The following MEGF11 variants were observed in gnomAD, a reference collection of about 807,000 sequenced individuals.
The protein encoded by MEGF11 is multiple EGF like domains 11.
In MEGF11, 126 loss-of-function variants were observed where a neutral mutation model predicts 146.6. That is an observed-to-expected ratio of 0.86 (90% CI 0.74 to 1.00). MEGF11 has a LOEUF of 1.00. Among genes scored for constraint, MEGF11 ranks in the 50% least tolerant of loss-of-function variants. The probability of loss-of-function intolerance (pLI) is 0.00; values close to 1 mark genes in which losing one functional copy is unlikely to be tolerated. For missense variants in MEGF11, 1,509 were observed against 1,521.2 expected, an observed-to-expected ratio of 0.99 and a Z score of 0.13; for synonymous variants, 532 against 583.4, an observed-to-expected ratio of 0.91 and a Z score of 1.27.
At chr15:66,057,861 A>C (rs2084743746) in intron 5 of MEGF11, among the ~76,000 whole-genome samples, 1 of 152,222 alleles carries the variant, frequency 6.6e-6, no homozygotes, top group African/African-American at 2.4e-5. Context: ...ACCCCCTTTC[A>C]GCAGGGTCTT....
chr15:66,060,789 G>A (rs969879172), intron 5 of MEGF11, among the ~76,000 whole-genome samples: 9 of 152,256 alleles, frequency 5.9e-5, no homozygotes, highest in African/African-American at 2.2e-4. Flanking sequence ...GATCTGTGCA[G>A]TTGAACTGAT....
At chr15:65,968,395 A>G (rs180909335) in intron 8 of MEGF11, among the ~76,000 whole-genome samples, 1 of 152,304 alleles carries the variant, frequency 6.6e-6, no homozygotes, top group African/African-American at 2.4e-5. Flanking sequence ...TTCCTTTTCA[A>G]ACATTCCTGC....
intron 1 of MEGF11, among the ~76,000 whole-genome samples, chr15:66,232,824 C>T (rs1407576106): frequency 6.6e-6 from 1 of 152,186 alleles, no homozygotes; most frequent in East Asian, 1.9e-4. Flanking sequence ...ATTTACTTAA[C>T]TCACCCAACA....
intron 10 of MEGF11, among the ~76,000 whole-genome samples, chr15:65,947,143 T>G (rs1377818785): frequency 6.6e-6 from 1 of 152,192 alleles, no homozygotes; most frequent in Non-Finnish European, 1.5e-5. Flanking sequence ...TTTTGCAATA[T>G]CCTTCATTTT....
Position 65,909,062 on chromosome 15 carries a change from G to A in MEGF11, c.2970C>T (p.Leu990=). The A allele has an allele frequency of 6.5e-7, 1 of 1,535,874 alleles. No individual in the cohort carries two copies. Among genetic ancestry groups the A allele is most frequent in the Non-Finnish European group, 8.7e-7 (1 of 1,146,728 alleles). Residue 990 remains leucine (L), a synonymous_variant, in exon 23 of 26, where the codon CTC becomes CTT. Coordinates refer to ENST00000395614, the MANE Select transcript of MEGF11 (RefSeq NM_001385028.1). ...GTGAGTGTGGCTCAGCGGGGCGGCT[G>A]AGGTGTCTAAGTTCAATGTAGAAGT... is the stretch of plus-strand genomic sequence containing the variant. The part of the protein sequence containing the change: ...PEDFYIELRH[L]SRPAEPHSPG...
intron 10 of MEGF11, among the ~76,000 whole-genome samples, chr15:65,934,638 G>A (rs538783206): frequency 1.1e-4 from 16 of 152,322 alleles, no homozygotes; most frequent in African/African-American, 3.8e-4. Context: ...GGATTAGAAA[G>A]TTGGGACTTA....
intron 5 of MEGF11, among the ~76,000 whole-genome samples, chr15:66,083,249 T>C (rs2085973196): frequency 6.6e-6 from 1 of 152,164 alleles, no homozygotes; most frequent in Non-Finnish European, 1.5e-5. Context: ...ATCTTTTTGG[T>C]TTTTCAATAA....
chr15:65,900,494 C>T (rs749565408), intron 24 of MEGF11, among the ~76,000 whole-genome samples: 6 of 152,168 alleles, frequency 3.9e-5, no homozygotes, highest in Non-Finnish European at 7.3e-5. Flanking sequence ...AGTAGATGTC[C>T]ATTCTGTTGA....
rs186939093 is a variant in MEGF11, at chr15:66,115,957, G to A, written c.301+3129C>T. The stretch of plus-strand genomic sequence containing the variant: ...CCCCAGAACTGTGAGACGATAAACC[G>A]CTGCCGGTGAAGCCGCCCAGCCTGT... On this transcript the variant is annotated intron_variant, in intron 4 of 25. Transcript: ENST00000395614. Among the ~76,000 whole-genome samples, 13 of 152,254 alleles carry A rather than the reference G, an allele frequency of 8.5e-5. 1 individual carries two copies. The highest frequency in any genetic ancestry group is 5.2e-4 in the Admixed American group (8 of 15,296).
chr15:65,908,575 C>G (rs2078699652), intron 23 of MEGF11, among the ~76,000 whole-genome samples: 1 of 152,192 alleles, frequency 6.6e-6, no homozygotes, highest in Non-Finnish European at 1.5e-5. Context: ...ACAACCCTAC[C>G]CTGTGATTTG....
intron 4 of MEGF11, among the ~76,000 whole-genome samples, chr15:66,107,581 A>C (rs1425897226): frequency 6.6e-6 from 1 of 152,222 alleles, no homozygotes; most frequent in Non-Finnish European, 1.5e-5. Flanking sequence ...CAGGGTTCCC[A>C]GACTCTTCAC....
At chr15:66,189,084 G>A (rs1283802841) in intron 1 of MEGF11, among the ~76,000 whole-genome samples, 2 of 152,098 alleles carry the variant, frequency 1.3e-5, no homozygotes, top group Non-Finnish European at 2.9e-5. Flanking sequence ...GGAGGGATGG[G>A]GAGAGAAGGA....
chr15:66,066,702 G>A (rs1398919242), intron 5 of MEGF11, among the ~76,000 whole-genome samples: 2 of 152,236 alleles, frequency 1.3e-5, no homozygotes, highest in African/African-American at 2.4e-5. Context: ...GAGGTCTCTG[G>A]ATGCCAGCCA....
chr15:66,140,849 G>A (rs1382171947), intron 1 of MEGF11, among the ~76,000 whole-genome samples: 1 of 152,188 alleles, frequency 6.6e-6, no homozygotes, highest in Non-Finnish European at 1.5e-5. Context: ...TCTGAGCTCA[G>A]CCGGGTATTG....
At chr15:65,976,886 G>A (rs746486647) in intron 7 of MEGF11, among the ~76,000 whole-genome samples, 8 of 152,152 alleles carry the variant, frequency 5.3e-5, no homozygotes, top group East Asian at 1.9e-4. Context: ...AGGTCCAGTC[G>A]CTCATGCCTA....
At position 65,897,247 on chromosome 15, in the gene MEGF11, G is replaced by A. The variant is rs1351328187; in HGVS notation, c.*687C>T. 6.6e-6 allele frequency: 1 copy of A among 152,212 alleles called. No individual in the cohort carries two copies. 9.4% of individuals were successfully genotyped at this position (152,212 alleles called of 1,614,324 possible). A position where few individuals can be genotyped will look rare whatever the true frequency, so the allele number is the denominator to read the frequency against. On this transcript the variant is annotated 3_prime_UTR_variant, in exon 26 of 26. Coordinates refer to ENST00000395614, the MANE Select transcript of MEGF11 (RefSeq NM_001385028.1). ...CTAGGAATCTTATTGTAGACTGAAA[G>A]AGACACTGCTGCACTTTGGAAACGT...
intron 1 of MEGF11, among the ~76,000 whole-genome samples, chr15:66,230,539 T>C (rs2091948471): frequency 6.6e-6 from 1 of 152,208 alleles, no homozygotes; most frequent in Non-Finnish European, 1.5e-5. Context: ...CACTTTGAAC[T>C]TTAGGAATAA....
At chr15:65,903,687 T>C (rs949209071) in intron 24 of MEGF11, among the ~76,000 whole-genome samples, 1 of 152,256 alleles carries the variant, frequency 6.6e-6, no homozygotes, top group Non-Finnish European at 1.5e-5. Flanking sequence ...TAATTCTTAG[T>C]AGTTCTGATT....
At chr15:66,000,727 A>G (rs1410072026) in intron 5 of MEGF11, among the ~76,000 whole-genome samples, 1 of 152,254 alleles carries the variant, frequency 6.6e-6, no homozygotes, top group Non-Finnish European at 1.5e-5. Context: ...ACAAAATGAC[A>G]TGGTCCTCAG....
Sources: gnomAD v4.1 joint callset for allele counts (sites outside exome capture counted in the v4.1 genomes callset) on GRCh38, gnomAD v4.1.1 for gene constraint, MANE v1.5 for transcripts, NCBI Gene and HGNC (gene_info 2026-07-23, HGNC 2026-07-21) for gene names.